Variants in CUL1 observed in about 807,000 individuals in gnomAD.
CUL1 encodes the protein cullin-1.
CUL1 carries 24 observed loss-of-function variants against 118.0 expected under a neutral mutation model. The observed-to-expected ratio is 0.20, with a 90% CI of 0.15 to 0.29. CUL1 has a LOEUF of 0.29. CUL1 is among the 10% of genes least tolerant of loss of function. The probability of loss-of-function intolerance (pLI) is 1.00; values close to 1 mark genes in which losing one functional copy is unlikely to be tolerated. For missense variants in CUL1, 361 were observed against 933.8 expected (o/e 0.39, Z 7.99); for synonymous variants, 332 against 340.4 (o/e 0.98, Z 0.27).
chr7:148,761,590 T>C (rs576750284), intron 7 of CUL1, among the ~76,000 whole-genome samples: 2 of 152,214 alleles, frequency 1.3e-5, no homozygotes, highest in Admixed American at 6.5e-5. Context: ...AGCAAACTTA[T>C]CTTGTAAAGG....
chr7:148,755,006 A>C (rs534092692), intron 3 of CUL1, among the ~76,000 whole-genome samples: 29 of 151,684 alleles, frequency 1.9e-4, no homozygotes, highest in Admixed American at 3.3e-4. Context: ...CTCCACCTCC[A>C]CCTCCCGAAG....
Position 148,799,293 on chromosome 7 carries a change from A to C in CUL1, c.2155A>C (p.Met719Leu). ...LLIQAAIVRIMKMRKVLKHQQ... is the reference protein window; with the variant it reads ...LLIQAAIVRILKMRKVLKHQQ... Reference sequence around the variant, plus strand: ...TGCATAGGCGGCCATCGTGAGAATCATGAAGATGAGGAAGGTTCTGAAACA... The same window carrying C: ...TGCATAGGCGGCCATCGTGAGAATCCTGAAGATGAGGAAGGTTCTGAAACA... Residue 719 changes from methionine to leucine, a missense_variant, in exon 21 of 22, where the codon ATG (methionine) becomes CTG (leucine). This residue lies in a region of CUL1 where 24 missense variants were observed against 126.7 expected (regional missense o/e 0.19). Transcript: ENST00000325222. 6.2e-7 allele frequency: 1 copy of C among 1,614,028 alleles called. No homozygotes were observed. Among genetic ancestry groups the C allele is most frequent in the Non-Finnish European group, 8.5e-7 (1 of 1,179,914 alleles).
intron 1 of CUL1, among the ~76,000 whole-genome samples, chr7:148,708,499 C>T (rs534423546): frequency 2.6e-5 from 4 of 152,228 alleles, no homozygotes; most frequent in African/African-American, 7.2e-5. Context: ...CGATGCAGTG[C>T]GCTGCTGATT....
chr7:148,739,954 G>T (rs1186690900), intron 2 of CUL1, among the ~76,000 whole-genome samples: 1 of 151,860 alleles, frequency 6.6e-6, no homozygotes, highest in Non-Finnish European at 1.5e-5. Flanking sequence ...AATTATTCCA[G>T]TGTCATTTGT....
chr7:148,751,525 ACT>A (rs1404757361), intron 2 of CUL1, among the ~76,000 whole-genome samples: 1 of 125,030 alleles, frequency 8.0e-6, no homozygotes, highest in Non-Finnish European at 1.6e-5. Context: ...ACAGAGTGAG[ACT>A]CTGTCTCAAA....
In CUL1 at chr7:148,787,233, C is replaced by T. The variant is rs1471860572; in HGVS notation, c.1479+113C>T. 2.4e-5 allele frequency: 25 copies of T among 1,043,266 alleles called. No homozygotes were observed. Among genetic ancestry groups the T allele is most frequent in the South Asian group, 1.3e-4 (9 of 68,114 alleles). 64.6% of individuals were successfully genotyped at this position (1,043,266 alleles called of 1,614,324 possible). ...ATCCCAGCACTTTGGGAGGCCGAGG[C>T]GGGCAGATCACGAGGTCAGGAGATC... On this transcript the variant is annotated intron_variant, in intron 13 of 21. Coordinates refer to ENST00000325222, the MANE Select transcript of CUL1 (RefSeq NM_003592.3). The surrounding 1 kb of genome is among the most constrained non-coding windows in gnomAD (Gnocchi z 5.5).
chr7:148,768,441 G>T (rs1396263020), intron 9 of CUL1, among the ~76,000 whole-genome samples: 1 of 136,158 alleles, frequency 7.3e-6, no homozygotes, highest in Non-Finnish European at 1.5e-5. Context: ...CTGGAGTGCA[G>T]TTGTGCCATC....
At chr7:148,730,781 G>A (rs243514) in intron 2 of CUL1, among the ~76,000 whole-genome samples, 68,021 of 152,038 alleles carry the variant, frequency 0.45, 16,205 homozygotes, top group African/African-American at 0.62. Context: ...AAAGGGATAG[G>A]ACATCGAGCA....
At chr7:148,740,390 A>G (rs1251026760) in intron 2 of CUL1, among the ~76,000 whole-genome samples, 1 of 152,146 alleles carries the variant, frequency 6.6e-6, no homozygotes, top group Non-Finnish European at 1.5e-5. Context: ...ATAGCATACA[A>G]TGCACTCATT....
intron 1 of CUL1, among the ~76,000 whole-genome samples, chr7:148,702,414 C>T (rs1248935854): frequency 6.6e-6 from 1 of 152,172 alleles, no homozygotes; most frequent in Non-Finnish European, 1.5e-5. Flanking sequence ...TTTTAATTGA[C>T]ACTGTTGATT....
At chr7:148,788,760 G>C (rs1438650860) in intron 14 of CUL1, 86 bp downstream of exon 14, 2 of 885,830 alleles carry the variant, frequency 2.3e-6, no homozygotes, top group Non-Finnish European at 3.6e-6. Context: ...AGGTGAAGAT[G>C]GGAGGGGCTT....
At chr7:148,745,909 G>A (rs1383483666) in intron 2 of CUL1, among the ~76,000 whole-genome samples, 2 of 152,156 alleles carry the variant, frequency 1.3e-5, no homozygotes, top group Non-Finnish European at 2.9e-5. Flanking sequence ...TCATAAGCAG[G>A]AAGTCTCCTA....
At chr7:148,716,403 T>G (rs576634403) in intron 1 of CUL1, among the ~76,000 whole-genome samples, 5 of 152,376 alleles carry the variant, frequency 3.3e-5, no homozygotes, top group African/African-American at 1.2e-4. Flanking sequence ...CTAAAAGTAC[T>G]GCATCTGTTG....
chr7:148,767,665 A>C lies in CUL1; in HGVS notation c.999A>C (p.Leu333=). 3.7e-6 allele frequency: 6 copies of C among 1,613,970 alleles called. No individual in the cohort carries two copies. The highest frequency in any genetic ancestry group is 5.1e-6 in the Non-Finnish European group (6 of 1,179,888). Residue 333 remains leucine, a synonymous_variant, in exon 9 of 22, where the codon CTA becomes CTC. Coordinates refer to ENST00000325222, the MANE Select transcript of CUL1 (RefSeq NM_003592.3). ...TTGTATCTAGAATCCAGGATGGCCT[A>C]GGAGAATTGAAAAAACTGTTGGAGA... ...YNLVSRIQDG[L]GELKKLLETH... is the part of the protein sequence containing the mutation.
rs140852086 is a variant in CUL1, at chr7:148,767,540, C to T, written c.953-79C>T. 3,217 of 1,269,972 alleles carry T rather than the reference C, an allele frequency of 2.5e-3. 40 individuals carry two copies. Among genetic ancestry groups the T allele is most frequent in the South Asian group, 0.017 (1,292 of 76,762 alleles). 78.7% of individuals were successfully genotyped at this position (1,269,972 alleles called of 1,614,324 possible). A position where few individuals can be genotyped will look rare whatever the true frequency, so the allele number is the denominator to read the frequency against. On this transcript the variant is annotated intron_variant, in intron 8 of 21. Transcript: ENST00000325222. ...TTATCTTTTGCAGAGTATTTTTCAT[C>T]TCAGTATAAATACATAATTAGTAGA...
In CUL1 at chr7:148,723,265, C is replaced by T. The variant is rs187469192; in HGVS notation, c.-161-6697C>T. ...ATGTTACTCAGGACTCAGTTTGGGC[C>T]GTCTGTCTGCCGTATTCCCCTGAGG... On this transcript the variant is annotated intron_variant, in intron 1 of 21. Transcript: ENST00000325222. 1.9e-3 allele frequency among the ~76,000 whole-genome samples: 288 copies of T among 152,270 alleles called. 1 individual carries two copies. The highest frequency in any genetic ancestry group is 0.017 in the South Asian group (84 of 4,820).
intron 9 of CUL1, among the ~76,000 whole-genome samples, chr7:148,777,206 C>G (rs1446695961): frequency 6.6e-6 from 1 of 152,154 alleles, no homozygotes; most frequent in Non-Finnish European, 1.5e-5. Flanking sequence ...AGTTATGGTG[C>G]TGGGATCAGG....
chr7:148,774,033 A>G (rs1031176160), intron 9 of CUL1, among the ~76,000 whole-genome samples: 4 of 152,216 alleles, frequency 2.6e-5, no homozygotes, highest in Non-Finnish European at 5.9e-5. Flanking sequence ...CTGCTCACAC[A>G]ATACGTGAAA....
chr7:148,722,884 G>A (rs548099485), intron 1 of CUL1, among the ~76,000 whole-genome samples: 2 of 152,356 alleles, frequency 1.3e-5, no homozygotes, highest in East Asian at 3.9e-4. Context: ...AAGAGGACGA[G>A]GCACATGAGC....
Sources: allele counts gnomAD v4.1 joint callset (sites outside exome capture counted in the v4.1 genomes callset), GRCh38; gene constraint gnomAD v4.1.1; regional missense constraint gnomAD v4.1.1; non-coding constraint Gnocchi (gnomAD v3.1); transcripts MANE v1.5; gene names NCBI Gene and HGNC (gene_info 2026-07-23, HGNC 2026-07-21).